TRAF3: variants seen among roughly 807,000 people sequenced by gnomAD.
TRAF3 encodes TNF receptor-associated factor 3.
TRAF3 carries 13 observed loss-of-function variants against 62.3 expected under a neutral mutation model. The observed-to-expected ratio is 0.21, with a 90% CI of 0.14 to 0.33. TRAF3 has a LOEUF of 0.33. Ranked by LOEUF, TRAF3 falls within the 10% of genes least tolerant of loss-of-function variation. The pLI, the probability that TRAF3 is intolerant of heterozygous loss-of-function variation, is 1.00. For synonymous variants in TRAF3, 269 were observed against 283.4 expected, an observed-to-expected ratio of 0.95 and a Z score of 0.51; for missense variants, 440 against 741.8, an observed-to-expected ratio of 0.59 and a Z score of 4.73.
intron 2 of TRAF3, among the ~76,000 whole-genome samples, chr14:102,858,264 G>A (rs1887489740): frequency 1.3e-5 from 2 of 151,766 alleles, no homozygotes; most frequent in African/African-American, 2.4e-5. Flanking sequence ...CGATTCTCCT[G>A]CCTCAGCCTC....
chr14:102,900,809 G>C (rs1412346741), intron 10 of TRAF3, among the ~76,000 whole-genome samples: 1 of 152,240 alleles, frequency 6.6e-6, no homozygotes, highest in Non-Finnish European at 1.5e-5. Context: ...GCTCCCTGAA[G>C]GCAAACCTTC....
intron 10 of TRAF3, among the ~76,000 whole-genome samples, chr14:102,901,280 G>A (rs1287350636): frequency 6.6e-6 from 1 of 152,172 alleles, no homozygotes; most frequent in African/African-American, 2.4e-5. Context: ...TTAACCTCGG[G>A]GGCCTGAGGC....
intron 1 of TRAF3, among the ~76,000 whole-genome samples, chr14:102,786,633 G>C (rs1187854827): frequency 6.6e-6 from 1 of 152,096 alleles, no homozygotes; most frequent in Non-Finnish European, 1.5e-5. Context: ...GTTGCAGTGA[G>C]CCAAGATCGT....
intron 6 of TRAF3, among the ~76,000 whole-genome samples, chr14:102,885,696 C>G (rs1889339737): frequency 6.6e-6 from 1 of 152,216 alleles, no homozygotes; most frequent in African/African-American, 2.4e-5. Context: ...TTATGCTGCT[C>G]TGACATACTT....
intron 1 of TRAF3, among the ~76,000 whole-genome samples, chr14:102,805,876 A>C (rs906150088): frequency 6.6e-6 from 1 of 152,170 alleles, no homozygotes; most frequent in Non-Finnish European, 1.5e-5. Context: ...TAGTTTCACT[A>C]GAGGATGTCA....
intron 2 of TRAF3, among the ~76,000 whole-genome samples, chr14:102,865,312 G>A (rs751810596): frequency 2.0e-5 from 3 of 152,058 alleles, no homozygotes; most frequent in Admixed American, 1.3e-4. Flanking sequence ...TCTTTCTTCA[G>A]CTTTTGTTTA....
At chr14:102,796,738 G>A (rs200529109) in intron 1 of TRAF3, among the ~76,000 whole-genome samples, 1 of 152,180 alleles carries the variant, frequency 6.6e-6, no homozygotes, top group Non-Finnish European at 1.5e-5. Context: ...TGCTTCTACC[G>A]TGATTCCTGA....
chr14:102,834,521 C>T (rs1885855711), intron 2 of TRAF3, among the ~76,000 whole-genome samples: 1 of 151,702 alleles, frequency 6.6e-6, no homozygotes, highest in Non-Finnish European at 1.5e-5. Flanking sequence ...CCCGTCTCTA[C>T]TAAAAATACA....
chr14:102,903,931 A>G lies in TRAF3; in HGVS notation c.1135+502A>G, dbSNP rs1452746191. On this transcript the variant is annotated intron_variant, in intron 11 of 11. Transcript: ENST00000392745. The surrounding 1 kb of genome is among the most constrained non-coding windows in gnomAD (Gnocchi z 6.4). ...TACATGAGGAGGATTAATGGCAGAAAGGAACACAGATTACCGGTGTGTGTG... is the reference window on the plus strand; with the variant it reads ...TACATGAGGAGGATTAATGGCAGAAGGGAACACAGATTACCGGTGTGTGTG... 3 of 395,346 alleles carry G rather than the reference A, an allele frequency of 7.6e-6. No homozygotes were observed. The highest frequency in any genetic ancestry group is 1.5e-5 in the Non-Finnish European group (3 of 194,768). The allele number at this position is 395,346 out of a possible 1,614,324, so 24.5% of individuals were successfully genotyped here.
chr14:102,780,361 G>A (rs1194636842), intron 1 of TRAF3, among the ~76,000 whole-genome samples: 3 of 151,980 alleles, frequency 2.0e-5, no homozygotes, highest in Non-Finnish European at 4.4e-5. Context: ...ATGTGTGCTT[G>A]TGTAAAATTT....
At chr14:102,883,091 G>T in intron 6 of TRAF3, among the ~76,000 whole-genome samples, 1 of 152,214 alleles carries the variant, frequency 6.6e-6, no homozygotes, top group East Asian at 1.9e-4. Context: ...TTAACCAGCA[G>T]TTCTTCTCCT....
At chr14:102,837,143 T>TGTGTG (rs201020363) in intron 2 of TRAF3, among the ~76,000 whole-genome samples, 1 of 119,048 alleles carries the variant, frequency 8.4e-6, no homozygotes, top group African/African-American at 3.0e-5. Context: ...TGTGTGTGTG[T>TGTGTG]TTTTTTTGGG....
intron 1 of TRAF3, among the ~76,000 whole-genome samples, chr14:102,778,246 G>A (rs1390409582): frequency 6.6e-6 from 1 of 151,626 alleles, no homozygotes; most frequent in African/African-American, 2.4e-5. Context: ...GCCGAGGGCC[G>A]GCGACTCCCG....
intron 7 of TRAF3, among the ~76,000 whole-genome samples, chr14:102,888,193 T>G (rs1889510260): frequency 6.6e-6 from 1 of 152,192 alleles, no homozygotes. Context: ...ACATTCCAAG[T>G]TTTTAAATGA....
At chr14:102,872,799 C>A (rs1888417878) in intron 4 of TRAF3, among the ~76,000 whole-genome samples, 1 of 151,850 alleles carries the variant, frequency 6.6e-6, no homozygotes, top group African/African-American at 2.4e-5. Context: ...TCAAGCAATT[C>A]TCATGCCGCA....
intron 8 of TRAF3, among the ~76,000 whole-genome samples, chr14:102,890,628 T>G (rs954009251): frequency 6.6e-6 from 1 of 152,234 alleles, no homozygotes; most frequent in Non-Finnish European, 1.5e-5. Context: ...TTTCTGTGGC[T>G]TCTTAATTTT....
In TRAF3 at chr14:102,870,439, C is replaced by T; in HGVS notation, c.238C>T (p.Leu80=). ...CTTCTGCGAGAGCTGCATGGCGGCC[C>T]TGCTGAGGTAGGCGCCCTCGCCCGG... The part of the protein sequence containing the change: ...HRFCESCMAA[L]LSSSSPKCTA... The change falls in exon 3 of 12, where the codon CTG becomes TTG. Residue 80 remains leucine, a synonymous_variant. Coordinates refer to ENST00000392745, the MANE Select transcript of TRAF3 (RefSeq NM_145725.3). 6.2e-7 allele frequency: 1 copy of T among 1,613,610 alleles called. No homozygotes were observed. Among genetic ancestry groups the T allele is most frequent in the Non-Finnish European group, 8.5e-7 (1 of 1,179,922 alleles).
At chr14:102,900,505 A>G (rs1890239281) in intron 10 of TRAF3, among the ~76,000 whole-genome samples, 1 of 152,248 alleles carries the variant, frequency 6.6e-6, no homozygotes, top group African/African-American at 2.4e-5. Context: ...TCTCAAAGAA[A>G]AAAAAGAAGA....
chr14:102,849,620 C>G (rs1886918288), intron 2 of TRAF3, among the ~76,000 whole-genome samples: 4 of 152,282 alleles, frequency 2.6e-5, no homozygotes, highest in Admixed American at 2.6e-4. Context: ...GTGTGTCTCT[C>G]CCTCCCTGTC....
Sources: allele counts gnomAD v4.1 joint callset (sites outside exome capture counted in the v4.1 genomes callset), GRCh38; gene constraint gnomAD v4.1.1; non-coding constraint Gnocchi (gnomAD v3.1); transcripts MANE v1.5; gene names NCBI Gene and HGNC (gene_info 2026-07-23, HGNC 2026-07-21).